Variants in EXOC4 observed in about 807,000 individuals in gnomAD.
EXOC4 encodes SEC8-like 1.
EXOC4 carries 71 observed loss-of-function variants against 107.2 expected under a neutral mutation model. The ratio of observed to expected loss-of-function variants is 0.66; its 90% CI spans 0.55 to 0.81. EXOC4 has a LOEUF of 0.81. Ranked by LOEUF, EXOC4 falls within the 30% of genes least tolerant of loss-of-function variation. EXOC4 has a pLI of 0.00. For synonymous variants in EXOC4, 456 were observed against 441.2 expected, an observed-to-expected ratio of 1.03 and a Z score of -0.42; for missense variants, 1,108 against 1,189.6, an observed-to-expected ratio of 0.93 and a Z score of 1.01.
chr7:133,930,257 A>G (rs10428917), intron 13 of EXOC4, among the ~76,000 whole-genome samples: 18,065 of 152,232 alleles, frequency 0.12, 1,173 homozygotes, highest in Middle Eastern at 0.15. Flanking sequence ...CTGCATACCT[A>G]CAGAAGTCCT....
intron 17 of EXOC4, among the ~76,000 whole-genome samples, chr7:134,051,127 C>T (rs1313010657): frequency 2.0e-5 from 3 of 152,118 alleles, no homozygotes; most frequent in Non-Finnish European, 2.9e-5. Context: ...GCTAGGGAGG[C>T]CACCTGACAA....
At chr7:133,723,236 T>C (rs1795142919) in intron 10 of EXOC4, among the ~76,000 whole-genome samples, 1 of 152,210 alleles carries the variant, frequency 6.6e-6, no homozygotes, top group Non-Finnish European at 1.5e-5. Context: ...AGGCAGTTTA[T>C]AGCAAAGTCT....
intron 9 of EXOC4, among the ~76,000 whole-genome samples, chr7:133,575,271 A>G (rs1181420464): frequency 6.6e-6 from 1 of 152,150 alleles, no homozygotes; most frequent in African/African-American, 2.4e-5. Flanking sequence ...TTCATTCTAT[A>G]TACTGTATAC....
chr7:134,068,251 C>T (rs1796213417), downstream of EXOC4, among the ~76,000 whole-genome samples: 1 of 152,148 alleles, frequency 6.6e-6, no homozygotes, highest in East Asian at 1.9e-4. Context: ...GTGTCCCCAC[C>T]CAAATATCAT....
chr7:133,341,172 T>A (rs1795652233), intron 5 of EXOC4, among the ~76,000 whole-genome samples: 1 of 152,162 alleles, frequency 6.6e-6, no homozygotes, highest in Non-Finnish European at 1.5e-5. Flanking sequence ...TGTTCAACGC[T>A]ATGAAATTTG....
At chr7:133,876,117 G>A (rs1798842066) in intron 11 of EXOC4, among the ~76,000 whole-genome samples, 1 of 151,988 alleles carries the variant, frequency 6.6e-6, no homozygotes, top group South Asian at 2.1e-4. Flanking sequence ...GGCTTTTCAT[G>A]TCTTTTAACT....
rs918991748 is a variant in EXOC4, at chr7:133,741,285, C to G, written c.1515-76040C>G. 4.6e-5 allele frequency among the ~76,000 whole-genome samples: 7 copies of G among 152,182 alleles called. No individual in the cohort carries two copies. In the East Asian group the frequency reaches 1.3e-3, roughly 29 times the overall value. On this transcript the variant is annotated intron_variant, in intron 10 of 17. Transcript: ENST00000253861. Reference sequence around the variant, plus strand: ...ATTCATACCAGCTTGTCTCTCCCCACCAGGCCTGAGCTGACCTGAGCATGC... The same window carrying G: ...ATTCATACCAGCTTGTCTCTCCCCAGCAGGCCTGAGCTGACCTGAGCATGC...
intron 9 of EXOC4, chr7:133,484,166 C>T: frequency 1.2e-6 from 2 of 1,600,906 alleles, no homozygotes; most frequent in Non-Finnish European, 1.7e-6. Context: ...CTCAGTCTAA[C>T]AACACCCAAG....
chr7:133,703,123 A>G (rs1161966867), intron 10 of EXOC4, among the ~76,000 whole-genome samples: 1 of 152,182 alleles, frequency 6.6e-6, no homozygotes, highest in Non-Finnish European at 1.5e-5. Context: ...GAAATCCTTC[A>G]AAGTCAGCAT....
rs1383201389 is a variant in EXOC4 at position 133,779,943 on chromosome 7, A to G, written c.1515-37382A>G. Among the ~76,000 whole-genome samples, 5 of 152,242 alleles carry G rather than the reference A, an allele frequency of 3.3e-5. No homozygotes were observed. The East Asian group carries it at 9.7e-4, about 29-fold the overall frequency. On this transcript the variant is annotated intron_variant, in intron 10 of 17. Transcript: ENST00000253861. ...TCTTTGGGTCCCTGCTGTCTTTAAG[A>G]GCTGTAACACTCACCACGAAGGTTG...
chr7:133,324,472 A>G (rs1373829469), intron 5 of EXOC4, among the ~76,000 whole-genome samples: 5 of 152,194 alleles, frequency 3.3e-5, no homozygotes. Context: ...TTATGTACCC[A>G]GTAGTATTCA....
intron 7 of EXOC4, among the ~76,000 whole-genome samples, chr7:133,398,627 C>CT (rs1797023656): frequency 6.6e-6 from 1 of 152,094 alleles, no homozygotes; most frequent in South Asian, 2.1e-4. Context: ...GTAATCCTTT[C>CT]TTTTTTTAAG....
chr7:133,414,303 T>G (rs897665085), intron 7 of EXOC4, among the ~76,000 whole-genome samples: 2 of 152,158 alleles, frequency 1.3e-5, no homozygotes, highest in Admixed American at 6.5e-5. Context: ...CAATACCTAA[T>G]AAGCTTGATA....
At position 133,971,351 on chromosome 7, in the gene EXOC4, TATATATATATAGAG is replaced by T. The variant is rs1271662689; in HGVS notation, c.2207-26139_2207-26126del. Among the ~76,000 whole-genome samples the T allele has an allele frequency of 4.8e-3, 488 of 102,218 alleles. 3 individuals carry two copies. The highest frequency in any genetic ancestry group is 0.019 in the African/African-American group (461 of 24,406). The allele number at this position is 102,218 out of a possible 152,430, so 67.1% of individuals were successfully genotyped here. On this transcript the variant is annotated intron_variant, in intron 14 of 17. Transcript: ENST00000253861. Reference sequence around the variant, plus strand: ...GAAAATGTGTATATATATATATATATATATATATATAGAGAGAGAGAGAGAGAGAGAGAGAGAGA... The same window carrying T: ...GAAAATGTGTATATATATATATATATAGAGAGAGAGAGAGAGAGAGAGAGA...
At chr7:133,387,248 T>A (rs755994743) in intron 7 of EXOC4, among the ~76,000 whole-genome samples, 1 of 152,156 alleles carries the variant, frequency 6.6e-6, no homozygotes, top group Non-Finnish European at 1.5e-5. Flanking sequence ...GAAGGCAAAT[T>A]TTGATTCATT....
chr7:134,078,917 G>A, the EXOC4 span, among the ~76,000 whole-genome samples: 1 of 152,140 alleles, frequency 6.6e-6, no homozygotes, highest in Admixed American at 6.6e-5. Flanking sequence ...TTTTCTGGAT[G>A]CCCCTGAGAT....
chr7:133,542,124 T>G (rs1443415486), intron 9 of EXOC4, among the ~76,000 whole-genome samples: 1 of 151,706 alleles, frequency 6.6e-6, no homozygotes, highest in African/African-American at 2.4e-5. Flanking sequence ...AAAATTCAAC[T>G]GGCAAAAGGC....
intron 9 of EXOC4, among the ~76,000 whole-genome samples, chr7:133,545,916 G>T (rs1260863727): frequency 6.6e-6 from 1 of 152,110 alleles, no homozygotes; most frequent in Non-Finnish European, 1.5e-5. Flanking sequence ...ATATTTTGGG[G>T]TTTCCAGTGC....
At chr7:133,998,382 G>C (rs1794445722) in intron 15 of EXOC4, among the ~76,000 whole-genome samples, 1 of 152,056 alleles carries the variant, frequency 6.6e-6, no homozygotes, top group Non-Finnish European at 1.5e-5. Flanking sequence ...ACTAGGAATG[G>C]GATTCTTTTC....
Sources: gnomAD v4.1 joint callset for allele counts (sites outside exome capture counted in the v4.1 genomes callset) on GRCh38, gnomAD v4.1.1 for gene constraint, MANE v1.5 for transcripts, NCBI Gene and HGNC (gene_info 2026-07-23, HGNC 2026-07-21) for gene names.